ARID1A: variants seen among roughly 807,000 people sequenced by gnomAD.
The protein encoded by ARID1A is AT-rich interaction domain 1A.
In ARID1A, 20 loss-of-function variants were observed where a neutral mutation model predicts 212.6. The ratio of observed to expected loss-of-function variants is 0.09; its 90% confidence interval spans 0.07 to 0.14. ARID1A has a LOEUF of 0.14. ARID1A is among the 10% of genes least tolerant of loss of function. The pLI is 1.00. For missense variants in ARID1A, 2,587 were observed against 3,059.0 expected (o/e 0.85, Z 3.64); for synonymous variants, 1,376 against 1,222.1 (o/e 1.13, Z -2.63).
intron 1 of ARID1A, among the ~76,000 whole-genome samples, chr1:26,728,384 C>T (rs945567854): frequency 1.3e-5 from 2 of 152,058 alleles, no homozygotes; most frequent in East Asian, 1.9e-4. Context: ...GTACAGAGAA[C>T]GAATTGTTTG....
At chr1:26,757,703 T>C (rs1289611737) in intron 4 of ARID1A, among the ~76,000 whole-genome samples, 2 of 151,966 alleles carry the variant, frequency 1.3e-5, no homozygotes, top group African/African-American at 4.8e-5. Flanking sequence ...AGTCTCACTC[T>C]GTCACCCAGG....
chr1:26,723,896 G>A (rs1406876363), intron 1 of ARID1A, among the ~76,000 whole-genome samples: 1 of 151,982 alleles, frequency 6.6e-6, no homozygotes, highest in Non-Finnish European at 1.5e-5. Context: ...AAATTCCCTT[G>A]GCCCCAGTTC....
At chr1:26,715,134 G>T in intron 1 of ARID1A, among the ~76,000 whole-genome samples, 1 of 152,324 alleles carries the variant, frequency 6.6e-6, no homozygotes, top group Middle Eastern at 3.4e-3. Flanking sequence ...GAAAGAAAAC[G>T]AGGCTTTGAA....
intron 1 of ARID1A, among the ~76,000 whole-genome samples, chr1:26,712,255 G>A (rs1193464101): frequency 1.3e-5 from 2 of 152,156 alleles, no homozygotes; most frequent in Non-Finnish European, 2.9e-5. Context: ...TGAGAACAGG[G>A]CGTTGGGTGA....
At position 26,763,188 on chromosome 1, in the gene ARID1A, G is replaced by A. The variant is rs930078026; in HGVS notation, c.2635G>A (p.Val879Ile). The A allele has an allele frequency of 6.2e-7, 1 of 1,614,170 alleles. No homozygotes were observed. Among genetic ancestry groups the A allele is most frequent in the African/African-American group, 1.3e-5 (1 of 74,956 alleles). Residue 879 changes from valine to isoleucine, a missense_variant, in exon 8 of 20, where the codon GTT becomes ATT. Around this residue, in one of 11 missense-constraint regions of ARID1A, gnomAD observed 674 missense variants for 813.4 expected, o/e 0.83. Coordinates refer to ENST00000324856, the MANE Select transcript of ARID1A (RefSeq NM_006015.6). ...TAACATGGCCAATATGCCACCTCAG[G>A]TTGGGTCAGGGATGTGTCCCCCACC... ...GPNMANMPPQ[V>I]GSGMCPPPGG...
At chr1:26,702,298 G>T (rs1178452909) in intron 1 of ARID1A, among the ~76,000 whole-genome samples, 1 of 152,206 alleles carries the variant, frequency 6.6e-6, no homozygotes, top group Non-Finnish European at 1.5e-5. Context: ...TTTGCACGTG[G>T]TCCTGGAAAT....
At chr1:26,706,771 A>C (rs902743257) in intron 1 of ARID1A, among the ~76,000 whole-genome samples, 1 of 152,126 alleles carries the variant, frequency 6.6e-6, no homozygotes, top group Non-Finnish European at 1.5e-5. Context: ...CTCTTTGGCA[A>C]ATATGTATGT....
chr1:26,703,795 G>A lies in ARID1A; in HGVS notation c.1137+6255G>A, dbSNP rs1033403004. On this transcript the variant is annotated intron_variant, in intron 1 of 19. Coordinates refer to ENST00000324856, the MANE Select transcript of ARID1A (RefSeq NM_006015.6). Reference sequence around the variant, plus strand: ...TGTGATTACACCAGCTAGGTACTAGGAAGAGATTTAAAAGGTAGAAACAAT... The same window carrying A: ...TGTGATTACACCAGCTAGGTACTAGAAAGAGATTTAAAAGGTAGAAACAAT... Among the ~76,000 whole-genome samples, 26 of 152,206 alleles carry A rather than the reference G, an allele frequency of 1.7e-4. 1 individual carries two copies. The highest frequency in any genetic ancestry group is 1.7e-3 in the Admixed American group (26 of 15,286).
chr1:26,744,630 G>A (rs753076300), intron 4 of ARID1A, among the ~76,000 whole-genome samples: 2 of 152,142 alleles, frequency 1.3e-5, no homozygotes, highest in Non-Finnish European at 2.9e-5. Flanking sequence ...TGTACCTGGA[G>A]CTTTTAAATG....
rs1049508776 is a variant in ARID1A, at chr1:26,762,368, A to G, written c.2419+49A>G. The G allele has an allele frequency of 3.2e-6, 5 of 1,573,310 alleles. No homozygotes were observed. The African/African-American group carries it at 6.8e-5, about 21-fold the overall frequency. Reference sequence around the variant, plus strand: ...GTAGATACGGGTGAGAGGAGAAAACAGTTCCTTGTCTGATATGTTGCCATC... The same window carrying G: ...GTAGATACGGGTGAGAGGAGAAAACGGTTCCTTGTCTGATATGTTGCCATC... On this transcript the variant is annotated intron_variant, in intron 7 of 19. Coordinates refer to ENST00000324856, the MANE Select transcript of ARID1A (RefSeq NM_006015.6).
rs199906671 is a variant in ARID1A, at chr1:26,729,688, C to A, written c.1175C>A (p.Pro392His). The change falls in exon 2 of 20, where the codon CCT becomes CAT. Residue 392 changes from proline to histidine, a missense_variant. Pro to His is a moderately conservative substitution (Grantham distance 77). Coordinates refer to ENST00000324856, the MANE Select transcript of ARID1A (RefSeq NM_006015.6). The stretch of plus-strand genomic sequence containing the variant: ...ATGGATCAGATGGGCAAGATGAGAC[C>A]TCAGCCATATGGCGGGACTAACCCA... The part of the protein sequence containing the change: ...SPMDQMGKMR[P>H]QPYGGTNPYS... 4.2e-4 allele frequency: 679 copies of A among 1,614,088 alleles called. 1 individual carries two copies. Among genetic ancestry groups the A allele is most frequent in the Non-Finnish European group, 5.6e-4 (661 of 1,180,054 alleles).
intron 19 of ARID1A, 49 bp downstream of exon 19, chr1:26,775,756 G>A (rs745781532): frequency 2.5e-6 from 4 of 1,613,096 alleles, no homozygotes; most frequent in African/African-American, 1.3e-5. Context: ...GATCTTCTTA[G>A]TGTAGACAAT....
At chr1:26,703,109 T>C (rs2124752176) in intron 1 of ARID1A, among the ~76,000 whole-genome samples, 1 of 152,338 alleles carries the variant, frequency 6.6e-6, no homozygotes, top group South Asian at 2.1e-4. Flanking sequence ...TATACAGTTT[T>C]TACTGGACTT....
At chr1:26,759,675 G>C (rs577339979) in intron 4 of ARID1A, among the ~76,000 whole-genome samples, 1 of 152,264 alleles carries the variant, frequency 6.6e-6, no homozygotes, top group South Asian at 2.1e-4. Context: ...TTTTCATATT[G>C]AGCTCCTGTT....
At chr1:26,732,570 TTCTC>T in intron 3 of ARID1A, 102 bp from the exon 4 acceptor site, 1 of 873,866 alleles carries the variant, frequency 1.1e-6, no homozygotes, top group Non-Finnish European at 1.8e-6. Context: ...CAACTGGACT[TTCTC>T]TCACACTCAT....
At chr1:26,727,251 T>C (rs2080627752) in intron 1 of ARID1A, among the ~76,000 whole-genome samples, 1 of 152,198 alleles carries the variant, frequency 6.6e-6, no homozygotes, top group South Asian at 2.1e-4. Context: ...TACACTACCC[T>C]CTATGTAATA....
rs1190303464 is a variant in ARID1A at position 26,763,155 on chromosome 1, T to C, written c.2602T>C (p.Tyr868His). 1.9e-6 allele frequency: 3 copies of C among 1,614,274 alleles called. No individual in the cohort carries two copies. Among genetic ancestry groups the C allele is most frequent in the South Asian group, 1.1e-5 (1 of 91,086 alleles). ...MSHASMGNRP[Y>H]GPNMANMPPQ... ...TCACGCCTCCATGGGCAACCGGCCT[T>C]ATGGCCCTAACATGGCCAATATGCC... The change falls in exon 8 of 20, where the codon TAT (tyrosine) becomes CAT (histidine). Residue 868 changes from tyrosine (Y) to histidine (H), a missense_variant. Tyr to His is a moderately conservative substitution (Grantham distance 83, BLOSUM62 2). Transcript: ENST00000324856.
intron 4 of ARID1A, among the ~76,000 whole-genome samples, chr1:26,750,888 T>C (rs1389030419): frequency 6.6e-6 from 1 of 151,750 alleles, no homozygotes; most frequent in African/African-American, 2.4e-5. Flanking sequence ...ATAGAAAAAT[T>C]AGGTTGAAGT....
At chr1:26,749,077 A>C (rs1007247293) in intron 4 of ARID1A, among the ~76,000 whole-genome samples, 6 of 152,140 alleles carry the variant, frequency 3.9e-5, no homozygotes, top group African/African-American at 1.4e-4. Context: ...AGGCAGGAGA[A>C]TGGTGTGAAC....
Sources: allele counts gnomAD v4.1 joint callset (sites outside exome capture counted in the v4.1 genomes callset), GRCh38; gene constraint gnomAD v4.1.1; regional missense constraint gnomAD v4.1.1; transcripts MANE v1.5; gene names NCBI Gene and HGNC (gene_info 2026-07-23, HGNC 2026-07-21).